The following SHANK2 variants were observed in gnomAD, a reference collection of about 807,000 sequenced individuals.
SHANK2 encodes the protein SH3 and multiple ankyrin repeat domains protein 2.
Under a neutral mutation model 133.7 loss-of-function variants are expected in SHANK2, and 43 were observed. The observed-to-expected ratio is 0.32, with a 90% CI of 0.25 to 0.41. The LOEUF is 0.41. Ranked by LOEUF, SHANK2 falls within the 10% of genes least tolerant of loss-of-function variation. The pLI is 1.00. For synonymous variants in SHANK2, 1,017 were observed against 952.8 expected (o/e 1.07, Z -1.24); for missense variants, 1,994 against 2,235.8 (o/e 0.89, Z 2.18).
At chr11:71,138,565 C>A (rs868946625) in intron 3 of SHANK2, among the ~76,000 whole-genome samples, 2 of 151,728 alleles carry the variant, frequency 1.3e-5, no homozygotes, top group Non-Finnish European at 2.9e-5. Flanking sequence ...GCCTGTAATC[C>A]CAGCACTTTG....
Position 70,623,788 on chromosome 11 carries a change from T to C in SHANK2, c.2061+36040A>G, listed in dbSNP as rs552379984. ...GGCCAGTGGTGCCATATCGAGCACA[T>C]GGGACATTTCCAGAAAGTTCTACCA... On this transcript the variant is annotated intron_variant, in intron 17 of 25. Coordinates refer to ENST00000601538, the MANE Select transcript of SHANK2 (RefSeq NM_012309.5). Among the ~76,000 whole-genome samples the C allele has an allele frequency of 1.5e-4, 23 of 152,326 alleles. 1 individual carries two copies. The South Asian group carries it at 4.6e-3, about 30-fold the overall frequency.
chr11:70,538,217 T>C (rs1448268786), intron 17 of SHANK2, among the ~76,000 whole-genome samples: 1 of 152,212 alleles, frequency 6.6e-6, no homozygotes, highest in African/African-American at 2.4e-5. Flanking sequence ...GCCCTGCCTG[T>C]GGACATAGCC....
rs112616568 is a variant in SHANK2, at chr11:70,650,949, C to T, written c.2061+8879G>A. 5.3e-5 allele frequency among the ~76,000 whole-genome samples: 8 copies of T among 152,342 alleles called. 1 individual carries two copies. The highest frequency in any genetic ancestry group is 1.9e-4 in the African/African-American group (8 of 41,574). The stretch of plus-strand genomic sequence containing the variant: ...AGTGAAGCTTCAGAAGTAATTTTTA[C>T]AATTGCCACCATTTGTTGAGAACTC... On this transcript the variant is annotated intron_variant, in intron 17 of 25. Coordinates refer to ENST00000601538, the MANE Select transcript of SHANK2 (RefSeq NM_012309.5).
intron 9 of SHANK2, among the ~76,000 whole-genome samples, chr11:71,065,688 T>C (rs1347261005): frequency 2.3e-5 from 3 of 131,882 alleles, no homozygotes; most frequent in African/African-American, 8.8e-5. Flanking sequence ...TGTGCGGAAC[T>C]CTTCCAGGGA....
At chr11:70,861,007 T>C (rs1949249923) in intron 11 of SHANK2, among the ~76,000 whole-genome samples, 1 of 152,226 alleles carries the variant, frequency 6.6e-6, no homozygotes. Context: ...TCCCTCGACC[T>C]GCTGGGCACA....
intron 14 of SHANK2, among the ~76,000 whole-genome samples, chr11:70,762,997 C>G (rs549901202): frequency 6.6e-6 from 1 of 152,224 alleles, no homozygotes; most frequent in South Asian, 2.1e-4. Context: ...ATACTGCATT[C>G]CACCTGGGCA....
intron 17 of SHANK2, among the ~76,000 whole-genome samples, chr11:70,602,360 C>T (rs2060511275): frequency 6.6e-6 from 1 of 152,248 alleles, no homozygotes; most frequent in South Asian, 2.1e-4. Context: ...GTCTCGGCCT[C>T]CACGTGGTAG....
At position 71,251,579 on chromosome 11, in the gene SHANK2, CG is replaced by C. The variant is rs573835490; in HGVS notation, c.-113+845del. On this transcript the variant is annotated intron_variant, in intron 1 of 25. Transcript: ENST00000601538. ...CCGGCCGCCGGGGAGGAGGGATGCC[CG>C]GGCGAAAGTTGCCAGGGAAACTTGA... 1.7e-3 allele frequency among the ~76,000 whole-genome samples: 260 copies of C among 151,632 alleles called. 1 individual carries two copies. The highest frequency in any genetic ancestry group is 6.1e-3 in the African/African-American group (251 of 41,472).
At chr11:71,191,697 T>A (rs1346896807) in intron 2 of SHANK2, among the ~76,000 whole-genome samples, 1 of 151,650 alleles carries the variant, frequency 6.6e-6, no homozygotes, top group Admixed American at 6.6e-5. Flanking sequence ...TAGCTGTGAT[T>A]ACAGACATGC....
chr11:70,917,129 G>T (rs1243015859), intron 10 of SHANK2, among the ~76,000 whole-genome samples: 3 of 152,106 alleles, frequency 2.0e-5, no homozygotes, highest in Non-Finnish European at 2.9e-5. Context: ...GAACATCCCA[G>T]CCTACTCCAA....
chr11:71,188,585 C>T lies in SHANK2; in HGVS notation c.-13+36112G>A, dbSNP rs1438188673. On this transcript the variant is annotated intron_variant, in intron 2 of 25. Coordinates refer to ENST00000601538, the MANE Select transcript of SHANK2 (RefSeq NM_012309.5). This position sits in a 1 kb window ranked among gnomAD's most constrained non-coding sequence, Gnocchi z 4.6. Reference sequence around the variant, plus strand: ...GAGGCCCCATGAATTACCCTGGCAACCAGGTACAGCCGTGAAGACAATGAA... The same window carrying T: ...GAGGCCCCATGAATTACCCTGGCAATCAGGTACAGCCGTGAAGACAATGAA... Among the ~76,000 whole-genome samples, 2 of 152,238 alleles carry T rather than the reference C, an allele frequency of 1.3e-5. No individual in the cohort carries two copies. Among genetic ancestry groups the T allele is most frequent in the Non-Finnish European group, 2.9e-5 (2 of 68,046 alleles).
intron 9 of SHANK2, among the ~76,000 whole-genome samples, chr11:71,060,030 G>A (rs1423266720): frequency 5.3e-5 from 8 of 152,180 alleles, no homozygotes; most frequent in Admixed American, 4.6e-4. Context: ...GTTGGTTAGA[G>A]GGGGATCCCC....
In SHANK2 at chr11:71,087,602, C is replaced by T. The variant is rs940552340; in HGVS notation, c.912+4820G>A. 4.0e-3 allele frequency among the ~76,000 whole-genome samples: 609 copies of T among 152,280 alleles called. 3 individuals are homozygous for T. The highest frequency in any genetic ancestry group is 0.014 in the African/African-American group (591 of 41,544). On this transcript the variant is annotated intron_variant, in intron 8 of 25. Transcript: ENST00000601538. ...ATTCTCACAGAGAACAAGCGAGCTT[C>T]GGGTCCCATACGCATTTAGCTGGTT...
At chr11:70,571,731 G>A (rs1485214914) in intron 17 of SHANK2, among the ~76,000 whole-genome samples, 1 of 152,024 alleles carries the variant, frequency 6.6e-6, no homozygotes, top group Admixed American at 6.6e-5. Context: ...TGGAGGAGTC[G>A]GCAAAGGAGG....
chr11:70,940,382 G>A (rs1218748915), intron 10 of SHANK2, among the ~76,000 whole-genome samples: 1 of 151,692 alleles, frequency 6.6e-6, no homozygotes, highest in East Asian at 1.9e-4. Context: ...GAGTAGCTGG[G>A]ATTACAGGCA....
intron 17 of SHANK2, among the ~76,000 whole-genome samples, chr11:70,610,293 G>A (rs1554993818): frequency 6.6e-6 from 1 of 152,136 alleles, no homozygotes; most frequent in East Asian, 1.9e-4. Context: ...TCTTAGGCTT[G>A]TTCACCTCTT....
At chr11:70,558,371 TCAGCCCATTCGGCGTGCACGACC>T (rs1343018061) in intron 17 of SHANK2, among the ~76,000 whole-genome samples, 2 of 152,202 alleles carry the variant, frequency 1.3e-5, no homozygotes, top group Non-Finnish European at 2.9e-5. Flanking sequence ...AGCATCGGGC[TCAGCCCATTCGGCGTGCACGACC>T]CAGCCCAGTC....
At chr11:70,644,761 T>C (rs1555007659) in intron 17 of SHANK2, among the ~76,000 whole-genome samples, 1 of 152,246 alleles carries the variant, frequency 6.6e-6, no homozygotes, top group East Asian at 1.9e-4. Flanking sequence ...CACTTTGCTG[T>C]GCTCATTTCA....
chr11:71,148,695 C>T (rs1315995227), intron 2 of SHANK2, among the ~76,000 whole-genome samples: 1 of 152,220 alleles, frequency 6.6e-6, no homozygotes, highest in Non-Finnish European at 1.5e-5. Flanking sequence ...CTTGATCAAG[C>T]TGTGGTCTCT....
Sources: allele counts gnomAD v4.1 joint callset (sites outside exome capture counted in the v4.1 genomes callset), GRCh38; gene constraint gnomAD v4.1.1; non-coding constraint Gnocchi (gnomAD v3.1); transcripts MANE v1.5; gene names NCBI Gene and HGNC (gene_info 2026-07-23, HGNC 2026-07-21).